UBASH3B: variants seen among roughly 807,000 people sequenced by gnomAD.
UBASH3B encodes the protein ubiquitin associated and SH3 domain containing B, also known as ubiquitin-associated and SH3 domain-containing protein B.
UBASH3B carries 37 observed loss-of-function variants against 83.4 expected under a neutral mutation model. The ratio of observed to expected loss-of-function variants is 0.44; its 90% CI spans 0.34 to 0.58. The LOEUF (loss-of-function observed/expected upper bound fraction) is 0.58, where lower values mean the gene tolerates loss of function less well. Ranked by LOEUF, UBASH3B falls within the 20% of genes least tolerant of loss-of-function variation. UBASH3B has a pLI of 0.01. For missense variants in UBASH3B, 657 were observed against 827.2 expected (o/e 0.79, Z 2.52); for synonymous variants, 304 against 318.3 (o/e 0.96, Z 0.48).
intron 1 of UBASH3B, among the ~76,000 whole-genome samples, chr11:122,688,262 T>C (rs1863832884): frequency 1.3e-5 from 2 of 151,808 alleles, no homozygotes; most frequent in African/African-American, 2.4e-5. Context: ...TTCCCTTCCT[T>C]CCCTTCCTCC....
chr11:122,674,724 G>GTTTTT (rs35117227), intron 1 of UBASH3B, among the ~76,000 whole-genome samples: 12 of 112,316 alleles, frequency 1.1e-4, no homozygotes, highest in East Asian at 2.7e-4. Context: ...TCTGCAGTTA[G>GTTTTT]TTTTTTTTTT....
intron 1 of UBASH3B, among the ~76,000 whole-genome samples, chr11:122,766,345 GAC>G (rs1443126317): frequency 6.6e-6 from 1 of 152,172 alleles, no homozygotes; most frequent in Non-Finnish European, 1.5e-5. Context: ...AGGAGATCGA[GAC>G]CATCCTGGCT....
rs377289913 is a variant in UBASH3B at position 122,794,688 on chromosome 11, A to T, written c.981-14A>T. On this transcript the variant is annotated splice_polypyrimidine_tract_variant and intron_variant, in intron 6 of 13. Coordinates refer to ENST00000284273, the MANE Select transcript of UBASH3B (RefSeq NM_032873.5). ...GGCCAGAGCAGTTAACACCTTCCTT[A>T]TCTTCCTCTGCAGTTCTTATTCAAT... The T allele has an allele frequency of 3.1e-6, 5 of 1,613,864 alleles. No homozygotes were observed. Among genetic ancestry groups the T allele is most frequent in the Non-Finnish European group, 4.2e-6 (5 of 1,179,960 alleles).
At chr11:122,749,057 G>T (rs903535923) in intron 1 of UBASH3B, among the ~76,000 whole-genome samples, 1 of 152,242 alleles carries the variant, frequency 6.6e-6, no homozygotes, top group Non-Finnish European at 1.5e-5. Flanking sequence ...CCAGCACACT[G>T]TGTGCCCCAT....
At chr11:122,793,164 C>T (rs1251729565) in intron 6 of UBASH3B, among the ~76,000 whole-genome samples, 1 of 152,154 alleles carries the variant, frequency 6.6e-6, no homozygotes, top group Admixed American at 6.5e-5. Flanking sequence ...AGGCAGATCA[C>T]CTGAGGTCAG....
chr11:122,729,863 C>T (rs2068420301), intron 1 of UBASH3B, among the ~76,000 whole-genome samples: 1 of 146,962 alleles, frequency 6.8e-6, no homozygotes, highest in Non-Finnish European at 1.5e-5. Context: ...CCTGAGGTCC[C>T]AGCTTCTTGG....
chr11:122,728,566 T>G (rs1310416218), intron 1 of UBASH3B, among the ~76,000 whole-genome samples: 1 of 152,238 alleles, frequency 6.6e-6, no homozygotes, highest in African/African-American at 2.4e-5. Context: ...ATCTCCCTAT[T>G]TAAATATTAG....
At chr11:122,662,408 A>G (rs1031242972) in intron 1 of UBASH3B, among the ~76,000 whole-genome samples, 2 of 146,096 alleles carry the variant, frequency 1.4e-5, no homozygotes, top group African/African-American at 5.0e-5. Context: ...CTGAGCAGCC[A>G]CCAGTCGCTT....
chr11:122,760,527 ATT>A (rs565198682), intron 1 of UBASH3B, among the ~76,000 whole-genome samples: 26 of 151,822 alleles, frequency 1.7e-4, no homozygotes, highest in Admixed American at 8.5e-4. Flanking sequence ...CACCTGGCTA[ATT>A]TTTTTGTATT....
rs552487446 is a variant in UBASH3B at position 122,668,708 on chromosome 11, G to C, written c.161+12498G>C. Among the ~76,000 whole-genome samples the C allele has an allele frequency of 5.9e-5, 9 of 152,324 alleles. No homozygotes were observed. The South Asian group carries it at 1.9e-3, about 32-fold the overall frequency. On this transcript the variant is annotated intron_variant, in intron 1 of 13. Transcript: ENST00000284273. ...CGTTATTTCTATAGGTGGCTGCATC[G>C]AAATGAGGCAGTGGATATAAAAGTA...
chr11:122,713,745 CAAA>C (rs34816613), intron 1 of UBASH3B, among the ~76,000 whole-genome samples: 22 of 109,020 alleles, frequency 2.0e-4, no homozygotes, highest in East Asian at 2.9e-4. Flanking sequence ...GACTCCATCT[CAAA>C]AAAAAAAAAA....
Position 122,761,437 on chromosome 11 carries a change from C to T in UBASH3B, c.162-14782C>T, listed in dbSNP as rs548315734. 3.9e-5 allele frequency among the ~76,000 whole-genome samples: 6 copies of T among 152,334 alleles called. No individual in the cohort carries two copies. In the East Asian group the frequency reaches 7.7e-4, roughly 20 times the overall value. ...AGTGAGCTGTGATTATACTGATGCA[C>T]TTCAGCCTGGGTGAGAGTGAGACAC... On this transcript the variant is annotated intron_variant, in intron 1 of 13. Coordinates refer to ENST00000284273, the MANE Select transcript of UBASH3B (RefSeq NM_032873.5).
At chr11:122,726,561 C>G (rs1418727132) in intron 1 of UBASH3B, among the ~76,000 whole-genome samples, 2 of 152,062 alleles carry the variant, frequency 1.3e-5, no homozygotes, top group Non-Finnish European at 2.9e-5. Context: ...GTTGGCCAGG[C>G]TGGTCTCGCA....
At chr11:122,660,776 T>C (rs1392803046) in intron 1 of UBASH3B, among the ~76,000 whole-genome samples, 1 of 152,208 alleles carries the variant, frequency 6.6e-6, no homozygotes, top group Non-Finnish European at 1.5e-5. Flanking sequence ...TTGAGGCTGC[T>C]GGTGGCTAGA....
intron 1 of UBASH3B, among the ~76,000 whole-genome samples, chr11:122,660,563 A>G (rs1863425927): frequency 6.6e-6 from 1 of 152,150 alleles, no homozygotes; most frequent in Non-Finnish European, 1.5e-5. Context: ...CAGGACTCAG[A>G]TCAGAGCCAT....
intron 1 of UBASH3B, among the ~76,000 whole-genome samples, chr11:122,703,569 T>G (rs982469713): frequency 6.6e-6 from 1 of 152,232 alleles, no homozygotes; most frequent in Non-Finnish European, 1.5e-5. Flanking sequence ...ACTGGGGCAG[T>G]TTATTGATTT....
Position 122,783,114 on chromosome 11 carries a change from C to T in UBASH3B, c.663C>T (p.Ala221=), listed in dbSNP as rs752629645. 1.2e-6 allele frequency: 2 copies of T among 1,614,174 alleles called. No individual in the cohort carries two copies. The highest frequency in any genetic ancestry group is 2.2e-5 in the South Asian group (2 of 91,086). Residue 221 remains alanine, a synonymous_variant, in exon 5 of 14, where the codon GCC becomes GCT. Transcript: ENST00000284273. The part of the protein sequence containing the change: ...LHVTLAYHFQ[A]SHLPTLEKLA... The stretch of plus-strand genomic sequence containing the variant: ...TGACCCTGGCTTACCACTTCCAAGC[C>T]AGCCACCTACCCACCCTAGAGAAAC...
intron 1 of UBASH3B, among the ~76,000 whole-genome samples, chr11:122,676,332 G>T (rs566788433): frequency 6.6e-5 from 10 of 152,234 alleles, no homozygotes; most frequent in African/African-American, 2.2e-4. Flanking sequence ...CTGACGTCAG[G>T]AGTTCAAGAC....
chr11:122,663,619 TGTG>T (rs139385922), intron 1 of UBASH3B, among the ~76,000 whole-genome samples: 2,167 of 152,324 alleles, frequency 0.014, 54 homozygotes, highest in African/African-American at 0.05. Context: ...CTGATGATGA[TGTG>T]GTGGTACTAT....
Sources: allele counts gnomAD v4.1 joint callset (sites outside exome capture counted in the v4.1 genomes callset), GRCh38; gene constraint gnomAD v4.1.1; transcripts MANE v1.5; gene names NCBI Gene and HGNC (gene_info 2026-07-23, HGNC 2026-07-21).